The following NAALADL2 variants were observed in gnomAD, a reference collection of about 807,000 sequenced individuals.
The protein encoded by NAALADL2 is inactive N-acetylated-alpha-linked acidic dipeptidase-like protein 2.
NAALADL2 carries 76 observed loss-of-function variants against 87.2 expected under a neutral mutation model. That is an observed-to-expected ratio of 0.87 (90% CI 0.72 to 1.05). The LOEUF is 1.05. NAALADL2 is among the 50% of genes least tolerant of loss of function. NAALADL2 has a pLI of 0.00. For missense variants in NAALADL2, 1,089 were observed against 945.8 expected, an observed-to-expected ratio of 1.15 and a Z score of -1.99; for synonymous variants, 354 against 331.0, an observed-to-expected ratio of 1.07 and a Z score of -0.75.
chr3:175,794,714 A>G (rs952681278), intron 13 of NAALADL2, among the ~76,000 whole-genome samples: 1 of 152,216 alleles, frequency 6.6e-6, no homozygotes, highest in Non-Finnish European at 1.5e-5. Flanking sequence ...TCTATTTTAT[A>G]TTTTAATTAT....
chr3:174,453,785 C>G (rs1484905634), intron 1 of NAALADL2, among the ~76,000 whole-genome samples: 1 of 152,114 alleles, frequency 6.6e-6, no homozygotes, highest in Non-Finnish European at 1.5e-5. Context: ...AAAGGAGAGA[C>G]CATTACCAGC....
intron 13 of NAALADL2, among the ~76,000 whole-genome samples, chr3:175,790,152 A>G (rs775261459): frequency 1.1e-4 from 16 of 152,192 alleles, no homozygotes; most frequent in South Asian, 2.1e-4. Context: ...CTTGGTTTAT[A>G]TATGCATTGA....
chr3:175,737,219 T>C, intron 11 of NAALADL2, 87 bp from the exon 12 acceptor site: 1 of 804,268 alleles, frequency 1.2e-6, no homozygotes, highest in South Asian at 1.5e-5. Flanking sequence ...TCTAGATGTA[T>C]AAAAATATCT....
At chr3:175,046,386 T>G (rs1580174708) in intron 1 of NAALADL2, among the ~76,000 whole-genome samples, 2 of 152,144 alleles carry the variant, frequency 1.3e-5, no homozygotes, top group South Asian at 2.1e-4. Flanking sequence ...GTTCTATTTG[T>G]TTACGTTAGT....
In NAALADL2 at chr3:175,031,468, C is replaced by T. The variant is rs536794871; in HGVS notation, c.44-65322C>T. Among the ~76,000 whole-genome samples, 20 of 152,130 alleles carry T rather than the reference C, an allele frequency of 1.3e-4. No homozygotes were observed. The East Asian group carries it at 1.5e-3, about 12-fold the overall frequency. ...ATGATTTCATTCTTTTTTATTGCTG[C>T]GTAGTATTCCATGGTGTATGTGTAC... On this transcript the variant is annotated intron_variant, in intron 1 of 13. Coordinates refer to ENST00000454872, the MANE Select transcript of NAALADL2 (RefSeq NM_207015.3).
chr3:174,532,360 G>T lies in NAALADL2; in HGVS notation c.-183-18209G>T, dbSNP rs73172553. ...ATGCCAAACCAAACTCAGGCCATGA[G>T]ATTTCTAGCTCTGCCAAGTTCTTAT... On this transcript the variant is annotated intron_variant, in intron 1 of 3. Coordinates refer to the NAALADL2 transcript ENST00000434257. Among the ~76,000 whole-genome samples, 805 of 152,250 alleles carry T rather than the reference G, an allele frequency of 5.3e-3. 2 individuals are homozygous for T. Among genetic ancestry groups the T allele is most frequent in the Non-Finnish European group, 8.1e-3 (552 of 68,020 alleles).
intron 3 of NAALADL2, among the ~76,000 whole-genome samples, chr3:174,743,430 A>G (rs1733946345): frequency 6.6e-6 from 1 of 151,830 alleles, no homozygotes; most frequent in Non-Finnish European, 1.5e-5. Context: ...TCCAAATAAA[A>G]TTATAGTTTT....
intron 3 of NAALADL2, among the ~76,000 whole-genome samples, chr3:174,768,015 C>T (rs141060977): frequency 2.6e-5 from 4 of 152,154 alleles, no homozygotes; most frequent in Admixed American, 2.0e-4. Flanking sequence ...TACCTCAATT[C>T]GAATATGTGA....
chr3:175,781,249 A>T (rs1004055475), intron 13 of NAALADL2, among the ~76,000 whole-genome samples: 19 of 152,306 alleles, frequency 1.2e-4, no homozygotes, highest in African/African-American at 4.6e-4. Context: ...AGTGTGTCTA[A>T]GATAGTACAC....
intron 2 of NAALADL2, among the ~76,000 whole-genome samples, chr3:174,655,026 G>A (rs1166280866): frequency 3.3e-5 from 5 of 152,078 alleles, no homozygotes; most frequent in South Asian, 2.1e-4. Context: ...TGAGCTTACC[G>A]TGCCTGGCCT....
At chr3:175,785,335 G>A (rs749708750) in intron 13 of NAALADL2, among the ~76,000 whole-genome samples, 4,627 of 147,828 alleles carry the variant, frequency 0.031, 89 homozygotes, top group South Asian at 0.058. Context: ...ATGTGTGGGA[G>A]TCTAAGTCTC....
intron 2 of NAALADL2, among the ~76,000 whole-genome samples, chr3:174,636,946 A>C (rs1722710537): frequency 1.3e-5 from 2 of 152,270 alleles, no homozygotes; most frequent in South Asian, 4.1e-4. Flanking sequence ...ATGAATGGAT[A>C]AACAAAATGT....
intron 2 of NAALADL2, among the ~76,000 whole-genome samples, chr3:175,154,724 G>A (rs1452548864): frequency 2.6e-5 from 4 of 152,034 alleles, no homozygotes; most frequent in South Asian, 2.1e-4. Context: ...TACTTCTGAG[G>A]AATTAATGAT....
At chr3:175,460,627 G>C (rs777018922) in intron 6 of NAALADL2, among the ~76,000 whole-genome samples, 9 of 152,092 alleles carry the variant, frequency 5.9e-5, no homozygotes, top group Non-Finnish European at 1.2e-4. Flanking sequence ...TTTAAAAGCA[G>C]CTCTCAAAAA....
chr3:175,789,279 T>C (rs1306380975), intron 13 of NAALADL2, among the ~76,000 whole-genome samples: 1 of 90,502 alleles, frequency 1.1e-5, no homozygotes, highest in Non-Finnish European at 2.4e-5. Flanking sequence ...ACTGTAAAAT[T>C]CTTTCTAAAT....
intron 2 of NAALADL2, among the ~76,000 whole-genome samples, chr3:175,162,713 C>T (rs934518158): frequency 4.6e-5 from 7 of 152,198 alleles, no homozygotes; most frequent in African/African-American, 1.7e-4. Flanking sequence ...ATTTCATTTT[C>T]AAAGGAAATT....
chr3:175,311,455 C>T (rs1390712213), intron 4 of NAALADL2, among the ~76,000 whole-genome samples: 1 of 152,138 alleles, frequency 6.6e-6, no homozygotes, highest in Non-Finnish European at 1.5e-5. Context: ...TGGTCTTGAT[C>T]TTGTGATCCT....
chr3:174,750,557 C>T (rs925004814), intron 3 of NAALADL2, among the ~76,000 whole-genome samples: 1 of 152,096 alleles, frequency 6.6e-6, no homozygotes, highest in African/African-American at 2.4e-5. Flanking sequence ...CTTCAACCTC[C>T]TGAGTAGCTG....
chr3:174,999,340 A>G (rs562964928), intron 1 of NAALADL2, among the ~76,000 whole-genome samples: 2 of 152,040 alleles, frequency 1.3e-5, no homozygotes, highest in Non-Finnish European at 2.9e-5. Context: ...AAAGGTGAAT[A>G]TTTTTCAATT....
Sources: gnomAD v4.1 joint callset for allele counts (sites outside exome capture counted in the v4.1 genomes callset) on GRCh38, gnomAD v4.1.1 for gene constraint, MANE v1.5 for transcripts, NCBI Gene and HGNC (gene_info 2026-07-23, HGNC 2026-07-21) for gene names.